Variants in DISC1 observed in about 807,000 individuals in gnomAD.
DISC1 encodes the protein disrupted in schizophrenia 1 protein.
A neutral mutation model predicts 84.5 loss-of-function variants in DISC1; 57 were observed. The observed-to-expected ratio is 0.67, with a 90% CI of 0.55 to 0.84. DISC1 has a LOEUF of 0.84. Among genes scored for constraint, DISC1 ranks in the 40% least tolerant of loss-of-function variants. The pLI, the probability that DISC1 is intolerant of heterozygous loss-of-function variation, is 0.00. For missense variants in DISC1, 1,000 were observed against 1,057.8 expected (o/e 0.95, Z 0.76); for synonymous variants, 411 against 415.2 (o/e 0.99, Z 0.12).
At chr1:231,803,601 T>C (rs1197664293) in intron 8 of DISC1, among the ~76,000 whole-genome samples, 2 of 152,028 alleles carry the variant, frequency 1.3e-5, no homozygotes, top group Non-Finnish European at 2.9e-5. Context: ...TCTTGCAACA[T>C]AGCAGCTGAT....
intron 1 of DISC1, among the ~76,000 whole-genome samples, chr1:231,641,450 G>C (rs1311601965): frequency 6.6e-6 from 1 of 152,184 alleles, no homozygotes; most frequent in Non-Finnish European, 1.5e-5. Flanking sequence ...TTGGCTTCAG[G>C]AGTGAAGCTG....
chr1:231,956,163 C>T (rs997990987), intron 9 of DISC1, among the ~76,000 whole-genome samples: 1 of 152,198 alleles, frequency 6.6e-6, no homozygotes, highest in Non-Finnish European at 1.5e-5. Flanking sequence ...TGCTGAGCTC[C>T]AGTTTATCAC....
In DISC1 at chr1:232,026,420, T is replaced by TC. The variant is rs1669471813; in HGVS notation, c.2308-10dup. On this transcript the variant is annotated splice_polypyrimidine_tract_variant and intron_variant, in intron 11 of 12. Coordinates refer to ENST00000439617, the MANE Select transcript of DISC1 (RefSeq NM_018662.3). ...ACGGCACTAACAAGTGATCTTGTTT[T>TC]CCCCCTCTCGCCAGGAATCTTACAT... 6.4e-7 allele frequency: 1 copy of TC among 1,557,676 alleles called. No homozygotes were observed. The highest frequency in any genetic ancestry group is 8.8e-7 in the Non-Finnish European group (1 of 1,140,808).
chr1:231,906,137 C>T (rs1460287480), intron 9 of DISC1, among the ~76,000 whole-genome samples: 3 of 150,896 alleles, frequency 2.0e-5, no homozygotes, highest in African/African-American at 7.3e-5. Flanking sequence ...ATTCTCCTGC[C>T]TCAGCCTCCC....
At chr1:232,026,762 CTTTTTTTTTTTT>C (rs545455868) in intron 12 of DISC1, among the ~76,000 whole-genome samples, 22 of 110,868 alleles carry the variant, frequency 2.0e-4, no homozygotes, top group South Asian at 3.1e-4. Flanking sequence ...TTTCTTTTTT[CTTTTTTTTTTTT>C]TTTTTTTTTT....
intron 3 of DISC1, among the ~76,000 whole-genome samples, chr1:231,737,748 G>A (rs1185167075): frequency 1.3e-5 from 2 of 152,232 alleles, no homozygotes; most frequent in East Asian, 3.8e-4. Context: ...GCTACAAAGA[G>A]CTCACATATC....
chr1:231,952,655 A>T (rs181977221), intron 9 of DISC1, among the ~76,000 whole-genome samples: 205 of 148,940 alleles, frequency 1.4e-3, no homozygotes, highest in Non-Finnish European at 2.2e-3. Flanking sequence ...CCTACTTTGA[A>T]ATCACCTTGG....
chr1:231,964,284 A>G (rs1226258893), intron 10 of DISC1, among the ~76,000 whole-genome samples: 1 of 152,210 alleles, frequency 6.6e-6, no homozygotes, highest in African/African-American at 2.4e-5. Context: ...TCCTAGGCTC[A>G]TCTTTTGTCA....
intron 3 of DISC1, among the ~76,000 whole-genome samples, chr1:231,725,145 C>T (rs1247959277): frequency 1.3e-5 from 2 of 152,080 alleles, no homozygotes; most frequent in Non-Finnish European, 2.9e-5. Context: ...CAGTGACGTC[C>T]CCAGTGATCA....
At chr1:231,808,862 G>C (rs1389165693) in intron 8 of DISC1, among the ~76,000 whole-genome samples, 2 of 152,164 alleles carry the variant, frequency 1.3e-5, no homozygotes, top group African/African-American at 4.8e-5. Context: ...AGGTGCAAAG[G>C]CAATATACAC....
chr1:231,636,522 A>G (rs2059215327), intron 1 of DISC1, among the ~76,000 whole-genome samples: 1 of 152,322 alleles, frequency 6.6e-6, no homozygotes, highest in Admixed American at 6.5e-5. Context: ...AAATTCTATC[A>G]TTTGAATTTA....
intron 9 of DISC1, among the ~76,000 whole-genome samples, chr1:231,887,464 C>T (rs1271587491): frequency 6.6e-6 from 1 of 152,182 alleles, no homozygotes; most frequent in Non-Finnish European, 1.5e-5. Flanking sequence ...TCATCATAGA[C>T]AGATGGATTT....
intron 9 of DISC1, among the ~76,000 whole-genome samples, chr1:231,820,625 T>A (rs1441974098): frequency 6.6e-6 from 1 of 152,220 alleles, no homozygotes; most frequent in Non-Finnish European, 1.5e-5. Context: ...TGTTCTTCTC[T>A]GCCCCACAAC....
Position 231,685,483 on chromosome 1 carries a change from C to A in DISC1, c.68-8343C>A, listed in dbSNP as rs535117552. On this transcript the variant is annotated intron_variant, in intron 1 of 12. Coordinates refer to ENST00000439617, the MANE Select transcript of DISC1 (RefSeq NM_018662.3). Reference sequence around the variant, plus strand: ...GTATTTTTTTTTTGAGACAGAGTCTCGCTCTGTTGCCCAGGCTGGAATGCA... The same window carrying A: ...GTATTTTTTTTTTGAGACAGAGTCTAGCTCTGTTGCCCAGGCTGGAATGCA... Among the ~76,000 whole-genome samples the A allele has an allele frequency of 3.3e-5, 5 of 151,886 alleles. No individual in the cohort carries two copies. The South Asian group carries it at 1.0e-3, about 32-fold the overall frequency.
At chr1:232,019,509 C>T (rs1668757941) in intron 11 of DISC1, among the ~76,000 whole-genome samples, 1 of 152,104 alleles carries the variant, frequency 6.6e-6, no homozygotes, top group Admixed American at 6.5e-5. Flanking sequence ...GCTAGGAATC[C>T]CAGTGGCTTT....
intron 9 of DISC1, among the ~76,000 whole-genome samples, chr1:231,889,406 GA>G (rs1392947597): frequency 6.6e-6 from 1 of 152,212 alleles, no homozygotes; most frequent in Non-Finnish European, 1.5e-5. Context: ...TGAAGCCAGA[GA>G]AGTAAGTATT....
chr1:231,628,642 C>T (rs1043243415), intron 1 of DISC1, among the ~76,000 whole-genome samples: 1 of 152,212 alleles, frequency 6.6e-6, no homozygotes, highest in East Asian at 1.9e-4. Context: ...GATTAGAACC[C>T]TGGTGTGGGT....
At chr1:231,983,101 G>A (rs1181553939) in intron 10 of DISC1, among the ~76,000 whole-genome samples, 1 of 152,054 alleles carries the variant, frequency 6.6e-6, no homozygotes, top group Admixed American at 6.6e-5. Context: ...CATGACCATG[G>A]CAAACTGGAT....
chr1:231,833,554 C>T lies in DISC1; in HGVS notation c.1981+15037C>T, dbSNP rs539793271. On this transcript the variant is annotated intron_variant, in intron 9 of 12. Coordinates refer to ENST00000439617, the MANE Select transcript of DISC1 (RefSeq NM_018662.3). ...GTTCCAGGGGCTCTGGGAGTGGCTG[C>T]CAGGTGAGTTGAACAGTCCGATTTT... Among the ~76,000 whole-genome samples the T allele has an allele frequency of 1.3e-4, 20 of 151,866 alleles. 1 individual carries two copies. The highest frequency in any genetic ancestry group is 4.4e-4 in the African/African-American group (18 of 41,136).
Sources: gnomAD v4.1 joint callset for allele counts (sites outside exome capture counted in the v4.1 genomes callset) on GRCh38, gnomAD v4.1.1 for gene constraint, MANE v1.5 for transcripts, NCBI Gene and HGNC (gene_info 2026-07-23, HGNC 2026-07-21) for gene names.